PPP2R5E: variants seen among roughly 807,000 people sequenced by gnomAD.
PPP2R5E encodes protein phosphatase 2 regulatory subunit B'epsilon, also known as serine/threonine-protein phosphatase 2A 56 kDa regulatory subunit epsilon isoform.
Under a neutral mutation model 65.3 loss-of-function variants are expected in PPP2R5E, and 4 were observed. The observed-to-expected ratio is 0.06, with a 90% confidence interval of 0.03 to 0.14. The LOEUF is 0.14. PPP2R5E is among the 10% of genes least tolerant of loss of function. The pLI is 1.00. For missense variants in PPP2R5E, 274 were observed against 556.1 expected (o/e 0.49, Z 5.10); for synonymous variants, 183 against 187.4 (o/e 0.98, Z 0.19).
chr14:63,401,642 T>G (rs1384410566), intron 5 of PPP2R5E, among the ~76,000 whole-genome samples: 1 of 152,080 alleles, frequency 6.6e-6, no homozygotes, highest in African/African-American at 2.4e-5. Flanking sequence ...GGATTGAACC[T>G]CTCTCCTCTT....
At chr14:63,510,049 C>A (rs554851305) in intron 2 of PPP2R5E, among the ~76,000 whole-genome samples, 1 of 152,110 alleles carries the variant, frequency 6.6e-6, no homozygotes, top group Non-Finnish European at 1.5e-5. Context: ...CATAAGCATA[C>A]AATGATTATA....
intron 3 of PPP2R5E, among the ~76,000 whole-genome samples, chr14:63,430,421 G>GCATACATACATACATGCATA (rs1173499980): frequency 1.4e-5 from 2 of 144,074 alleles, no homozygotes; most frequent in African/African-American, 5.3e-5. Flanking sequence ...ATACATACAT[G>GCATACATACATACATGCATA]CATACATACA....
At chr14:63,453,565 C>G in intron 3 of PPP2R5E, 124 bp downstream of exon 3, 1 of 857,612 alleles carries the variant, frequency 1.2e-6, no homozygotes, top group Non-Finnish European at 1.7e-6. Flanking sequence ...ATTTGCTTAG[C>G]TCTCCAAAGG....
At chr14:63,430,938 G>A (rs1259857858) in intron 3 of PPP2R5E, among the ~76,000 whole-genome samples, 1 of 151,998 alleles carries the variant, frequency 6.6e-6, no homozygotes, top group Non-Finnish European at 1.5e-5. Flanking sequence ...AAAGTTATCT[G>A]AATTTAAGAA....
At chr14:63,413,776 C>T (rs1167632781) in intron 5 of PPP2R5E, among the ~76,000 whole-genome samples, 1 of 152,182 alleles carries the variant, frequency 6.6e-6, no homozygotes, top group Non-Finnish European at 1.5e-5. Context: ...ACCCCGTGAT[C>T]CACGTATCCA....
intron 3 of PPP2R5E, among the ~76,000 whole-genome samples, chr14:63,424,000 A>G (rs1887186002): frequency 6.6e-6 from 1 of 152,168 alleles, no homozygotes; most frequent in Admixed American, 6.5e-5. Flanking sequence ...TTTTGCTTAA[A>G]AAAAAAAATC....
chr14:63,429,153 T>C (rs17101165), intron 3 of PPP2R5E, among the ~76,000 whole-genome samples: 3,538 of 152,296 alleles, frequency 0.023, 149 homozygotes, highest in African/African-American at 0.081. Flanking sequence ...TACCACAGTA[T>C]AACAAGTCAA....
chr14:63,376,951 A>G (rs7140274), intron 13 of PPP2R5E, among the ~76,000 whole-genome samples: 26,231 of 151,874 alleles, frequency 0.17, 3,377 homozygotes, highest in East Asian at 0.49. Context: ...GTGGATCATC[A>G]GTGAGACCCC....
rs1029760316 is a variant in PPP2R5E at position 63,381,993 on chromosome 14, A to C, written c.1304+63T>G. On this transcript the variant is annotated intron_variant, in intron 13 of 13. Coordinates refer to ENST00000337537, the MANE Select transcript of PPP2R5E (RefSeq NM_006246.5). ...TGGGGTACAATTAGGCAACTTCAGC[A>C]AAGAGCAAGGAAAAAACTCAATAGC... 84 of 1,371,720 alleles carry C rather than the reference A, an allele frequency of 6.1e-5. No homozygotes were observed. In the African/African-American group the frequency reaches 8.2e-4, roughly 13 times the overall value. 85.0% of individuals were successfully genotyped at this position (1,371,720 alleles called of 1,614,324 possible). A position where few individuals can be genotyped will look rare whatever the true frequency, so the allele number is the denominator to read the frequency against.
At chr14:63,387,107 G>T (rs1439634611) in intron 11 of PPP2R5E, among the ~76,000 whole-genome samples, 1 of 152,042 alleles carries the variant, frequency 6.6e-6, no homozygotes, top group Non-Finnish European at 1.5e-5. Flanking sequence ...GATAAAGCAG[G>T]AGGCAAGGAG....
At chr14:63,464,489 T>A (rs1268494675) in intron 2 of PPP2R5E, among the ~76,000 whole-genome samples, 1 of 152,020 alleles carries the variant, frequency 6.6e-6, no homozygotes, top group Non-Finnish European at 1.5e-5. Context: ...AGCATGCTGG[T>A]GAATCTGATG....
At chr14:63,460,876 A>G (rs530273398) in intron 2 of PPP2R5E, among the ~76,000 whole-genome samples, 100 of 152,262 alleles carry the variant, frequency 6.6e-4, no homozygotes, top group Non-Finnish European at 1.1e-3. Context: ...TAGAAAATAT[A>G]CTCACACGCA....
intron 1 of PPP2R5E, among the ~76,000 whole-genome samples, chr14:63,542,289 C>T (rs1166023675): frequency 1.3e-5 from 2 of 152,120 alleles, no homozygotes; most frequent in East Asian, 3.8e-4. Flanking sequence ...GCCAGGGCTC[C>T]CGAAGCTTTA....
intron 2 of PPP2R5E, among the ~76,000 whole-genome samples, chr14:63,498,543 C>A (rs1240803055): frequency 6.6e-6 from 1 of 151,690 alleles, no homozygotes; most frequent in Non-Finnish European, 1.5e-5. Flanking sequence ...TTTATGAATT[C>A]AGGAAGTACT....
intron 2 of PPP2R5E, among the ~76,000 whole-genome samples, chr14:63,523,266 A>C (rs1187868802): frequency 1.3e-5 from 2 of 152,170 alleles, no homozygotes; most frequent in African/African-American, 4.8e-5. Flanking sequence ...TGGAGTAGAA[A>C]GTGGTGAGAG....
chr14:63,445,300 G>C (rs1381099787), intron 3 of PPP2R5E, among the ~76,000 whole-genome samples: 1 of 152,066 alleles, frequency 6.6e-6, no homozygotes, highest in African/African-American at 2.4e-5. Flanking sequence ...TGGTTTCCTG[G>C]TGCATGTAAA....
chr14:63,518,289 T>C (rs921425739), intron 2 of PPP2R5E, among the ~76,000 whole-genome samples: 7 of 152,204 alleles, frequency 4.6e-5, no homozygotes, highest in Non-Finnish European at 7.3e-5. Context: ...TCACCCAGTC[T>C]GGAGTGCAGT....
intron 3 of PPP2R5E, among the ~76,000 whole-genome samples, chr14:63,422,509 G>A (rs1459585338): frequency 4.6e-5 from 7 of 152,054 alleles, no homozygotes; most frequent in African/African-American, 7.2e-5. Flanking sequence ...GGGGGATCAC[G>A]AGGTCAGGAG....
chr14:63,418,841 C>CTTTTTTTTTTTTTT (rs772740856), intron 4 of PPP2R5E, among the ~76,000 whole-genome samples: 2 of 105,080 alleles, frequency 1.9e-5, no homozygotes, highest in Non-Finnish European at 3.8e-5. Flanking sequence ...AATTTTTTTA[C>CTTTTTTTTTTTTTT]TTTTTTTTTT....
Sources: allele counts gnomAD v4.1 joint callset (sites outside exome capture counted in the v4.1 genomes callset), GRCh38; gene constraint gnomAD v4.1.1; transcripts MANE v1.5; gene names NCBI Gene and HGNC (gene_info 2026-07-23, HGNC 2026-07-21).